Variants in RBFOX3 observed in about 807,000 individuals in gnomAD.
The protein encoded by RBFOX3 is RNA binding protein fox-1 homolog 3.
RBFOX3 carries 17 observed loss-of-function variants against 48.7 expected under a neutral mutation model. The observed-to-expected ratio is 0.35, with a 90% CI of 0.24 to 0.52. The LOEUF (loss-of-function observed/expected upper bound fraction) is 0.52, where lower values mean the gene tolerates loss of function less well. RBFOX3 is among the 20% of genes least tolerant of loss of function. RBFOX3 has a pLI of 0.94. For synonymous variants in RBFOX3, 212 were observed against 209.5 expected (o/e 1.01, Z -0.10); for missense variants, 382 against 497.5 (o/e 0.77, Z 2.21).
chr17:79,275,216 C>T (rs986729790), intron 3 of RBFOX3, among the ~76,000 whole-genome samples: 5 of 150,682 alleles, frequency 3.3e-5, no homozygotes, highest in Non-Finnish European at 7.4e-5. Flanking sequence ...TCATGTTCCT[C>T]CCCTTCTCAC....
rs916205882 is a variant in RBFOX3, at chr17:79,195,029, G to A, written c.-34+40737C>T. Among the ~76,000 whole-genome samples, 4 of 151,922 alleles carry A rather than the reference G, an allele frequency of 2.6e-5. No individual in the cohort carries two copies. The highest frequency in any genetic ancestry group is 1.9e-4 in the East Asian group (1 of 5,172). On this transcript the variant is annotated intron_variant, in intron 4 of 14. Transcript: ENST00000693108. This position sits in a 1 kb window ranked among gnomAD's most constrained non-coding sequence, Gnocchi z 5.3. The stretch of plus-strand genomic sequence containing the variant: ...CTAGAACATGGGCAGATGTCTTTCC[G>A]CTCAGCCCCACCGACATCAGCTCAC...
chr17:79,624,805 G>T, the RBFOX3 span, among the ~76,000 whole-genome samples: 8 of 149,056 alleles, frequency 5.4e-5, no homozygotes, highest in African/African-American at 1.5e-4. Flanking sequence ...CCCTTAGAAG[G>T]CACCCCCGCC....
intron 1 of RBFOX3, among the ~76,000 whole-genome samples, chr17:79,532,853 G>A (rs1226198067): frequency 4.0e-5 from 6 of 151,554 alleles, no homozygotes; most frequent in East Asian, 1.9e-4. Context: ...ACGCATGCAC[G>A]CCGCCTGTCA....
intron 2 of RBFOX3, among the ~76,000 whole-genome samples, chr17:79,413,751 G>A (rs1439275823): frequency 1.3e-5 from 2 of 152,210 alleles, no homozygotes; most frequent in African/African-American, 2.4e-5. Context: ...TCCAGGAAGA[G>A]CTCGCACCTG....
chr17:79,582,724 A>T (rs2093114470), intron 1 of RBFOX3, among the ~76,000 whole-genome samples: 1 of 136,438 alleles, frequency 7.3e-6, no homozygotes, highest in Non-Finnish European at 1.5e-5. Flanking sequence ...TTGAGGCTAC[A>T]GTGAGCCATG....
At chr17:79,468,565 C>G (rs1381025667) in intron 2 of RBFOX3, among the ~76,000 whole-genome samples, 1 of 150,460 alleles carries the variant, frequency 6.6e-6, no homozygotes, top group Non-Finnish European at 1.5e-5. Flanking sequence ...GGCAGACAGA[C>G]AGGAGGATGG....
At chr17:79,620,064 T>TACATGCACACATGCACACAAGC in the RBFOX3 span, among the ~76,000 whole-genome samples, 1 of 127,940 alleles carries the variant, frequency 7.8e-6, no homozygotes, top group Non-Finnish European at 1.6e-5. Flanking sequence ...CACACATATG[T>TACATGCACACATGCACACAAGC]ACATGCACAC....
intron 3 of RBFOX3, among the ~76,000 whole-genome samples, chr17:79,305,728 G>A (rs568621328): frequency 1.3e-5 from 2 of 152,364 alleles, no homozygotes; most frequent in Admixed American, 1.3e-4. Flanking sequence ...AAAGGGCAGG[G>A]AGCCTCCGCT....
chr17:79,643,449 T>C, the RBFOX3 span, among the ~76,000 whole-genome samples: 1 of 152,200 alleles, frequency 6.6e-6, no homozygotes, highest in African/African-American at 2.4e-5. Flanking sequence ...CTAATAGCCA[T>C]TTATAGAACA....
At chr17:79,260,312 C>T (rs9905292) in intron 3 of RBFOX3, among the ~76,000 whole-genome samples, 2,612 of 152,256 alleles carry the variant, frequency 0.017, 73 homozygotes, top group African/African-American at 0.06. Context: ...GCCCCATGTG[C>T]CGGCACCTGC....
intron 1 of RBFOX3, among the ~76,000 whole-genome samples, chr17:79,492,147 T>C (rs1350075351): frequency 6.6e-6 from 1 of 152,168 alleles, no homozygotes; most frequent in Non-Finnish European, 1.5e-5. Context: ...ACACTGGACA[T>C]GCTGAGTTTG....
chr17:79,188,196 G>A (rs990912706), intron 4 of RBFOX3, among the ~76,000 whole-genome samples: 13 of 152,278 alleles, frequency 8.5e-5, no homozygotes, highest in African/African-American at 3.1e-4. Context: ...CTGCGAGGAA[G>A]GGCTGCTGGG....
intron 2 of RBFOX3, among the ~76,000 whole-genome samples, chr17:79,365,820 G>C (rs1163218712): frequency 6.6e-6 from 1 of 152,234 alleles, no homozygotes; most frequent in Non-Finnish European, 1.5e-5. Context: ...CAGGGTCAAG[G>C]GGCTATAGTG....
intron 9 of RBFOX3, among the ~76,000 whole-genome samples, chr17:79,100,881 G>C (rs1432786462): frequency 5.3e-5 from 8 of 152,218 alleles, no homozygotes; most frequent in Admixed American, 5.2e-4. Flanking sequence ...TCCGTTTGCA[G>C]TGGGGTGCAC....
At chr17:79,379,329 T>C (rs2059606194) in intron 2 of RBFOX3, among the ~76,000 whole-genome samples, 1 of 152,166 alleles carries the variant, frequency 6.6e-6, no homozygotes, top group Non-Finnish European at 1.5e-5. Flanking sequence ...GTCTCGGGGA[T>C]GACCTCCTAC....
the RBFOX3 span, among the ~76,000 whole-genome samples, chr17:79,625,342 G>A: frequency 6.6e-6 from 1 of 152,178 alleles, no homozygotes; most frequent in African/African-American, 2.4e-5. Flanking sequence ...TGCACCAAAG[G>A]TTCACTCCTT....
chr17:79,124,340 C>T (rs1465233640), intron 4 of RBFOX3, among the ~76,000 whole-genome samples: 3 of 152,232 alleles, frequency 2.0e-5, no homozygotes, highest in South Asian at 4.1e-4. Context: ...GAGGCCTGAA[C>T]GTGTGGCAGA....
chr17:79,656,777 G>GAGAGAGAGAGAGACA, the RBFOX3 span, among the ~76,000 whole-genome samples: 2 of 101,406 alleles, frequency 2.0e-5, no homozygotes, highest in East Asian at 7.9e-4. Context: ...AAGGAAGGAA[G>GAGAGAGAGAGAGACA]GAAAGAAAGA....
chr17:79,543,309 C>T (rs1490668779), intron 1 of RBFOX3, among the ~76,000 whole-genome samples: 3 of 152,136 alleles, frequency 2.0e-5, no homozygotes, highest in African/African-American at 7.2e-5. Flanking sequence ...CTCTGCGAGG[C>T]CAATGCTGCC....
Sources: allele counts gnomAD v4.1 joint callset (sites outside exome capture counted in the v4.1 genomes callset), GRCh38; gene constraint gnomAD v4.1.1; non-coding constraint Gnocchi (gnomAD v3.1); transcripts MANE v1.5; gene names NCBI Gene and HGNC (gene_info 2026-07-23, HGNC 2026-07-21).